Variants in DIPK2B observed in about 807,000 individuals in gnomAD.
The protein encoded by DIPK2B is UPF0672 protein CXorf36.
A neutral mutation model predicts 22.2 loss-of-function variants in DIPK2B; 15 were observed. The ratio of observed to expected loss-of-function variants is 0.68; its 90% CI spans 0.45 to 1.04. The LOEUF is 1.04. DIPK2B is among the 50% of genes least tolerant of loss of function. The pLI is 0.00. For missense variants in DIPK2B, 345 were observed against 348.3 expected, an observed-to-expected ratio of 0.99 and a Z score of 0.08; for synonymous variants, 163 against 153.2, an observed-to-expected ratio of 1.06 and a Z score of -0.47.
chrX:45,157,732 G>A lies in DIPK2B; in HGVS notation c.655C>T (p.His219Tyr), dbSNP rs746440821. ...RLLYTLAVNS[H>Y]PILLQIFPGA... The stretch of plus-strand genomic sequence containing the variant: ...CTGCATACCTGTAGGAGGATGGGGT[G>A]CGAGTTGACAGCCAGCGTGTAGAGC... Residue 219 changes from histidine to tyrosine, a missense_variant, in exon 3 of 5, where the codon CAC (histidine) becomes TAC (tyrosine). Physicochemically the swap from His to Tyr is moderately conservative, Grantham distance 83. Transcript: ENST00000398000. 8.4e-7 allele frequency: 1 copy of A among 1,194,541 alleles called. No homozygotes were observed. Among genetic ancestry groups the A allele is most frequent in the East Asian group, 3.0e-5 (1 of 33,024 alleles).
intron 2 of DIPK2B, among the ~76,000 whole-genome samples, chrX:45,175,357 T>G (rs111575990): frequency 0.048 from 5,342 of 110,399 alleles, 306 homozygotes; most frequent in African/African-American, 0.16. Flanking sequence ...ATGATGTATG[T>G]GAAGAGTTTT....
At chrX:45,187,076 T>C (rs767131209) in intron 2 of DIPK2B, among the ~76,000 whole-genome samples, 1 of 112,300 alleles carries the variant, frequency 8.9e-6, no homozygotes, top group Admixed American at 9.4e-5. Flanking sequence ...CTGAACACTC[T>C]GTACTGCCAT....
chrX:45,159,526 G>A (rs1250434070), intron 2 of DIPK2B, among the ~76,000 whole-genome samples: 1 of 111,633 alleles, frequency 9.0e-6, no homozygotes, highest in Non-Finnish European at 1.9e-5. Flanking sequence ...TATCTTTACT[G>A]GGAATGAGAG....
chrX:45,177,124 C>A (rs1350392110), intron 2 of DIPK2B, among the ~76,000 whole-genome samples: 1 of 109,058 alleles, frequency 9.2e-6, no homozygotes, highest in Non-Finnish European at 1.9e-5. Context: ...ATGGCAAGAC[C>A]CTGTCTCTAC....
chrX:45,174,253 C>T (rs913738770), intron 2 of DIPK2B, among the ~76,000 whole-genome samples: 1 of 111,766 alleles, frequency 8.9e-6, no homozygotes, highest in Non-Finnish European at 1.9e-5. Flanking sequence ...AAACTTGTAA[C>T]AGCTCCTGTC....
intron 3 of DIPK2B, among the ~76,000 whole-genome samples, chrX:45,157,089 T>C (rs919644432): frequency 2.7e-5 from 3 of 110,686 alleles, no homozygotes; most frequent in African/African-American, 9.9e-5. Context: ...GACCCCTGTG[T>C]CCTTACCCTT....
Position 45,164,606 on chromosome X carries a change from G to T in DIPK2B, c.499-6718C>A, listed in dbSNP as rs755989438. ...GGAACATCACACACATGGGCCAGGG[G>T]CCTGTTGGGGGTTGGGAGGCTAGGG... On this transcript the variant is annotated intron_variant, in intron 2 of 4. Coordinates refer to ENST00000398000, the MANE Select transcript of DIPK2B (RefSeq NM_176819.4). 3.6e-5 allele frequency among the ~76,000 whole-genome samples: 4 copies of T among 111,551 alleles called. No individual in the cohort carries two copies. In the South Asian group the frequency reaches 1.5e-3, roughly 42 times the overall value.
chrX:45,163,427 A>G, intron 2 of DIPK2B: 2 of 754,496 alleles, frequency 2.7e-6, no homozygotes, highest in Non-Finnish European at 3.1e-6. Flanking sequence ...ATGGACAGCA[A>G]TGAAGACCGA....
intron 1 of DIPK2B, among the ~76,000 whole-genome samples, chrX:45,197,191 CTT>C (rs36016068): frequency 4.0e-5 from 4 of 99,995 alleles, no homozygotes; most frequent in African/African-American, 3.6e-5. Flanking sequence ...TAGTAATCAC[CTT>C]TTTTTTTTTT....
chrX:45,195,697 CTGCCTGCTGCAT>C (rs200507478), intron 1 of DIPK2B, among the ~76,000 whole-genome samples: 117 of 111,516 alleles, frequency 1.0e-3, no homozygotes, highest in Middle Eastern at 4.7e-3. Context: ...TCACAATGCT[CTGCCTGCTGCAT>C]TGCCTGCTGC....
chrX:45,168,867 C>T (rs1026654775), intron 2 of DIPK2B, among the ~76,000 whole-genome samples: 2 of 112,136 alleles, frequency 1.8e-5, no homozygotes, highest in African/African-American at 6.5e-5. Flanking sequence ...ATTCAACATC[C>T]CCTTTGGGAG....
At chrX:45,199,263 C>T (rs937231362) in intron 1 of DIPK2B, among the ~76,000 whole-genome samples, 15 of 112,181 alleles carry the variant, frequency 1.3e-4, no homozygotes, top group African/African-American at 4.5e-4. Flanking sequence ...TTGATTAATA[C>T]AGATTGCAAA....
rs530256780 is a variant in DIPK2B at position 45,198,141 on chromosome X, A to G, written c.233+2453T>C. The stretch of plus-strand genomic sequence containing the variant: ...TCCAAAAAGTATACACAGCATGTTC[A>G]CATTTTTGTTAAAAAATTTCTTAAT... On this transcript the variant is annotated intron_variant, in intron 1 of 4. Coordinates refer to ENST00000398000, the MANE Select transcript of DIPK2B (RefSeq NM_176819.4). 4.5e-5 allele frequency among the ~76,000 whole-genome samples: 5 copies of G among 111,712 alleles called. No individual in the cohort carries two copies. In the South Asian group the frequency reaches 1.9e-3, roughly 42 times the overall value.
intron 2 of DIPK2B, chrX:45,162,451 T>C: frequency 1.3e-6 from 1 of 753,955 alleles, no homozygotes; most frequent in Non-Finnish European, 1.6e-6. Context: ...CCCTTTATGA[T>C]GGAGGCAGCT....
chrX:45,180,897 AG>A (rs1219656436), intron 2 of DIPK2B, among the ~76,000 whole-genome samples: 1 of 112,226 alleles, frequency 8.9e-6, no homozygotes, highest in African/African-American at 3.2e-5. Flanking sequence ...CTGTAATAAA[AG>A]TTATGTGAAT....
rs1803659452 is a variant in DIPK2B, at chrX:45,154,265, CTCTA to C, written c.673-71_673-68del. On this transcript the variant is annotated intron_variant, in intron 3 of 4. Coordinates refer to ENST00000398000, the MANE Select transcript of DIPK2B (RefSeq NM_176819.4). Reference sequence around the variant, plus strand: ...TGACAGCTCTCTATCTGTCTATTATCTCTATCTATCTCCCTATCTATCTATCTAT... The same window carrying C: ...TGACAGCTCTCTATCTGTCTATTATCTCTATCTCCCTATCTATCTATCTAT... 1.7e-5 allele frequency: 15 copies of C among 896,515 alleles called. No homozygotes were observed. In the South Asian group the frequency reaches 2.8e-4, roughly 17 times the overall value. The allele number at this position is 896,515 out of a possible 1,213,427, so 73.9% of individuals were successfully genotyped here.
At chrX:45,181,765 A>C (rs984460514) in intron 2 of DIPK2B, among the ~76,000 whole-genome samples, 1 of 112,188 alleles carries the variant, frequency 8.9e-6, no homozygotes, top group African/African-American at 3.2e-5. Flanking sequence ...TAAACGAGAG[A>C]ATATCTTCTT....
intron 1 of DIPK2B, among the ~76,000 whole-genome samples, chrX:45,192,518 G>A (rs1008094691): frequency 1.6e-4 from 18 of 111,100 alleles, no homozygotes; most frequent in African/African-American, 5.9e-4. Context: ...CTTACCCTCT[G>A]ACCAATGGCT....
rs1188874667 is a variant in DIPK2B, at chrX:45,200,860, TGTC to T, written c.-37_-35del. 2 of 1,100,286 alleles carry T rather than the reference TGTC, an allele frequency of 1.8e-6. No individual in the cohort carries two copies. The highest frequency in any genetic ancestry group is 3.7e-5 in the African/African-American group (2 of 54,483). 90.7% of individuals were successfully genotyped at this position (1,100,286 alleles called of 1,213,427 possible). The stretch of plus-strand genomic sequence containing the variant: ...CTGGGCTCCAGCTGCAGCCTCTGGC[TGTC>T]CACTCGAGGCTGTACAGAGGCAGGG... On this transcript the variant is annotated 5_prime_UTR_variant, in exon 1 of 5. Coordinates refer to ENST00000398000, the MANE Select transcript of DIPK2B (RefSeq NM_176819.4).
Sources: gnomAD v4.1 joint callset for allele counts (sites outside exome capture counted in the v4.1 genomes callset) on GRCh38, gnomAD v4.1.1 for gene constraint, MANE v1.5 for transcripts, NCBI Gene and HGNC (gene_info 2026-07-23, HGNC 2026-07-21) for gene names.